The following ERMP1 variants were observed in gnomAD, a reference collection of about 807,000 sequenced individuals.
ERMP1 encodes Felix-ina.
A neutral mutation model predicts 92.0 loss-of-function variants in ERMP1; 86 were observed. That is an observed-to-expected ratio of 0.93 (90% CI 0.79 to 1.12). The LOEUF is 1.12. Ranked by LOEUF, ERMP1 falls within the 50% of genes most tolerant of loss-of-function variation. The pLI is 0.00. For missense variants in ERMP1, 1,342 were observed against 1,116.3 expected (o/e 1.20, Z -2.88); for synonymous variants, 530 against 412.8 (o/e 1.28, Z -3.44).
At chr9:5,795,533 A>C (rs1256204700) in intron 13 of ERMP1, among the ~76,000 whole-genome samples, 1 of 152,248 alleles carries the variant, frequency 6.6e-6, no homozygotes, top group African/African-American at 2.4e-5. Context: ...TAATCCCAGC[A>C]CTTTGAGAGG....
intron 6 of ERMP1, among the ~76,000 whole-genome samples, chr9:5,857,537 C>T (rs1830393592): frequency 1.3e-5 from 2 of 152,192 alleles, no homozygotes; most frequent in Non-Finnish European, 2.9e-5. Flanking sequence ...AAATGATGAG[C>T]ATCTACTATA....
At chr9:5,848,916 A>G (rs1405703086) in intron 6 of ERMP1, among the ~76,000 whole-genome samples, 1 of 152,250 alleles carries the variant, frequency 6.6e-6, no homozygotes, top group African/African-American at 2.4e-5. Context: ...TATGTGGCTT[A>G]CTATGGTTAG....
chr9:5,796,495 T>C (rs1244064510), intron 13 of ERMP1, among the ~76,000 whole-genome samples: 1 of 152,210 alleles, frequency 6.6e-6, no homozygotes, highest in East Asian at 1.9e-4. Context: ...AGCAGCCTTA[T>C]TCAAATATGG....
chr9:5,825,124 G>C lies in ERMP1; in HGVS notation c.736C>G (p.Leu246Val), dbSNP rs1426578376. The part of the protein sequence containing the change: ...SEALHHAVIF[L>V]FNGAEENVLQ... ...ACATTTTCCTCAGCACCATTAAAGA[G>C]AAATATGACAGCATGATGCAAGGCT... Residue 246 changes from leucine (L) to valine (V), a missense_variant, in exon 3 of 15, where the codon CTC (leucine) becomes GTC (valine). By Grantham distance (32) the Leu-to-Val change is conservative. Transcript: ENST00000339450. 3 of 1,613,906 alleles carry C rather than the reference G, an allele frequency of 1.9e-6. No homozygotes were observed. Among genetic ancestry groups the C allele is most frequent in the East Asian group, 2.2e-5 (1 of 44,900 alleles).
intron 6 of ERMP1, among the ~76,000 whole-genome samples, chr9:5,839,535 C>T (rs754905640): frequency 6.6e-6 from 1 of 152,128 alleles, no homozygotes; most frequent in Non-Finnish European, 1.5e-5. Flanking sequence ...TGCTGAAACT[C>T]GATTGTTTTA....
In ERMP1 at chr9:5,832,853, C is replaced by T. The variant is rs1197037189; in HGVS notation, c.175G>A (p.Gly59Ser). The T allele has an allele frequency of 6.6e-7, 1 of 1,509,158 alleles. No homozygotes were observed. The highest frequency in any genetic ancestry group is 2.8e-5 in the East Asian group (1 of 36,128). 93.5% of individuals were successfully genotyped at this position (1,509,158 alleles called of 1,614,324 possible). Residue 59 changes from glycine (G) to serine (S), a missense_variant, in exon 1 of 15, where the codon GGC becomes AGC. By Grantham distance (56) the Gly-to-Ser change is moderately conservative. Coordinates refer to ENST00000339450, the MANE Select transcript of ERMP1 (RefSeq NM_024896.3). Reference sequence around the variant, plus strand: ...CCGGTCCCCGCGCCCCTGCTCGCGCCGCCGCTACCCCCGGGGCTCCTCTTC... The same window carrying T: ...CCGGTCCCCGCGCCCCTGCTCGCGCTGCCGCTACCCCCGGGGCTCCTCTTC... ...TRKRSPGGSG[G>S]ASRGAGTGLS...
chr9:5,805,355 T>C, intron 9 of ERMP1, 138 bp from the exon 10 acceptor site: 1 of 706,210 alleles, frequency 1.4e-6, no homozygotes, highest in East Asian at 2.7e-5. Flanking sequence ...GTATGTTATC[T>C]TGGAGTAGGA....
rs776448372 is a variant in ERMP1, at chr9:5,851,940, T to TA, written n.3199+7527dup. Reference sequence around the variant, plus strand: ...GTCAACAAGTCATTTTTTCTGCCATTAAAAAATCTCATTTCTTAATAAAAA... The same window carrying TA: ...GTCAACAAGTCATTTTTTCTGCCATTAAAAAAATCTCATTTCTTAATAAAAA... On this transcript the variant is annotated intron_variant and non_coding_transcript_variant, in intron 6 of 6. Coordinates refer to the ERMP1 transcript ENST00000690753. Among the ~76,000 whole-genome samples the TA allele has an allele frequency of 5.9e-4, 90 of 152,286 alleles. 1 individual carries two copies. Among genetic ancestry groups the TA allele is most frequent in the African/African-American group, 2.1e-3 (87 of 41,562 alleles).
rs1238211777 is a variant in ERMP1, at chr9:5,810,128, AAG to A, written c.1429_1430del (p.Leu477TyrfsTer9). ...TATACCATGAGAGAGACTGTCCAATAAGAGAGATGAACACTGCTATAATGAGA... is the reference window on the plus strand; with the variant it reads ...TATACCATGAGAGAGACTGTCCAATAAGAGATGAACACTGCTATAATGAGA... ...TVLIIAVFIS[L>X]IGQSLSWYNH... is the part of the protein sequence containing the mutation. On this transcript the variant is annotated frameshift_variant, in exon 8 of 15. Transcript: ENST00000339450. LOFTEE classifies it high-confidence loss of function. 2 of 1,613,930 alleles carry A rather than the reference AAG, an allele frequency of 1.2e-6. No homozygotes were observed. The highest frequency in any genetic ancestry group is 1.3e-5 in the African/African-American group (1 of 75,052).
chr9:5,829,125 G>A (rs73390181), intron 2 of ERMP1, among the ~76,000 whole-genome samples: 1 of 147,364 alleles, frequency 6.8e-6, no homozygotes, highest in East Asian at 2.1e-4. Context: ...CACAGTAGGA[G>A]AATCGCTTAA....
chr9:5,824,323 C>G (rs1247670657), intron 3 of ERMP1, among the ~76,000 whole-genome samples: 1 of 152,142 alleles, frequency 6.6e-6, no homozygotes, highest in African/African-American at 2.4e-5. Flanking sequence ...CCTGTAATCC[C>G]AAAACTTTGG....
intron 6 of ERMP1, among the ~76,000 whole-genome samples, chr9:5,847,289 T>C (rs1053908413): frequency 1.3e-5 from 2 of 152,178 alleles, no homozygotes; most frequent in Non-Finnish European, 2.9e-5. Flanking sequence ...CCCAGCCTCA[T>C]TCTGTTGTCC....
At chr9:5,794,728 T>A (rs1020289429) in intron 13 of ERMP1, among the ~76,000 whole-genome samples, 1 of 152,164 alleles carries the variant, frequency 6.6e-6, no homozygotes, top group Non-Finnish European at 1.5e-5. Context: ...CAGGCCTGTA[T>A]CTATTAAAGA....
chr9:5,785,309 G>A lies in ERMP1; in HGVS notation c.*1835C>T, dbSNP rs932600746. On this transcript the variant is annotated 3_prime_UTR_variant, in exon 15 of 15. Transcript: ENST00000339450. The stretch of plus-strand genomic sequence containing the variant: ...CTAATTATATCAGATGAACCACGGG[G>A]ATAGAAAATAGGCCCATTTTTAAAA... 2 of 152,186 alleles carry A rather than the reference G, an allele frequency of 1.3e-5. No homozygotes were observed. The highest frequency in any genetic ancestry group is 2.9e-5 in the Non-Finnish European group (2 of 68,030). The allele number at this position is 152,186 out of a possible 1,614,324, so 9.4% of individuals were successfully genotyped here.
chr9:5,845,119 T>C (rs1327951666), intron 6 of ERMP1, among the ~76,000 whole-genome samples: 2 of 148,046 alleles, frequency 1.4e-5, no homozygotes, highest in Non-Finnish European at 3.0e-5. Flanking sequence ...GTTTTGTTTT[T>C]GTTTCCATTG....
Position 5,787,607 on chromosome 9 carries a change from G to C in ERMP1, c.2387-14C>G, listed in dbSNP as rs767695021. The C allele has an allele frequency of 6.3e-7, 1 of 1,597,384 alleles. No individual in the cohort carries two copies. Among genetic ancestry groups the C allele is most frequent in the Admixed American group, 1.8e-5 (1 of 54,894 alleles). On this transcript the variant is annotated splice_polypyrimidine_tract_variant and intron_variant, in intron 13 of 14. Coordinates refer to ENST00000339450, the MANE Select transcript of ERMP1 (RefSeq NM_024896.3). ...TATGGCTTGGTCCTGTAAGGTAAAA[G>C]GAAGAAAGAACAGTTAATCTTTTTA...
At chr9:5,805,243 A>C (rs1347426163) in intron 9 of ERMP1, 26 bp from the exon 10 acceptor site, 1 of 1,550,066 alleles carries the variant, frequency 6.5e-7, no homozygotes, top group Admixed American at 1.9e-5. Flanking sequence ...AAAAAAGCAC[A>C]CATCTATGAA....
intron 8 of ERMP1, among the ~76,000 whole-genome samples, chr9:5,808,119 A>C (rs1828939763): frequency 6.6e-6 from 1 of 152,202 alleles, no homozygotes; most frequent in Non-Finnish European, 1.5e-5. Flanking sequence ...CACCATGCCC[A>C]GTCTCTTATG....
intron 13 of ERMP1, among the ~76,000 whole-genome samples, chr9:5,788,230 ATC>A (rs1828022331): frequency 6.6e-6 from 1 of 152,228 alleles, no homozygotes; most frequent in African/African-American, 2.4e-5. Context: ...TCAGGGAGCA[ATC>A]TCACACACTT....
Sources: allele counts gnomAD v4.1 joint callset (sites outside exome capture counted in the v4.1 genomes callset), GRCh38; gene constraint gnomAD v4.1.1; transcripts MANE v1.5; gene names NCBI Gene and HGNC (gene_info 2026-07-23, HGNC 2026-07-21).